ATXN1: variants seen among roughly 807,000 people sequenced by gnomAD.
ATXN1 encodes the protein ataxin 1.
In ATXN1, 8 loss-of-function variants were observed where a neutral mutation model predicts 56.4. The observed-to-expected ratio is 0.14, with a 90% CI of 0.08 to 0.26. The LOEUF (loss-of-function observed/expected upper bound fraction) is 0.26. ATXN1 is among the 10% of genes least tolerant of loss of function. ATXN1 has a pLI of 1.00. For synonymous variants in ATXN1, 514 were observed against 494.6 expected, an observed-to-expected ratio of 1.04 and a Z score of -0.52; for missense variants, 987 against 1,106.5, an observed-to-expected ratio of 0.89 and a Z score of 1.53.
intron 2 of ATXN1, among the ~76,000 whole-genome samples, chr6:16,659,527 G>C (rs866895993): frequency 2.0e-5 from 3 of 152,084 alleles, no homozygotes; most frequent in Non-Finnish European, 2.9e-5. Context: ...TCTATAATTG[G>C]AAGAGGTCCT....
chr6:16,447,291 C>G (rs1759655708), intron 6 of ATXN1, among the ~76,000 whole-genome samples: 1 of 152,166 alleles, frequency 6.6e-6, no homozygotes, highest in African/African-American at 2.4e-5. Flanking sequence ...GTGGCATGAT[C>G]TCAGCATACT....
At chr6:16,385,075 G>C (rs1052237460) in intron 6 of ATXN1, among the ~76,000 whole-genome samples, 1 of 152,212 alleles carries the variant, frequency 6.6e-6, no homozygotes, top group Non-Finnish European at 1.5e-5. Flanking sequence ...GAGTACACAG[G>C]AATGTGTGAC....
At chr6:16,741,436 T>A (rs930588192) in intron 2 of ATXN1, among the ~76,000 whole-genome samples, 1 of 152,212 alleles carries the variant, frequency 6.6e-6, no homozygotes. Context: ...AGTATACTCT[T>A]TGAAGACCCT....
rs760959130 is a variant in ATXN1 at position 16,303,628 on chromosome 6, G to GA, written c.*2700dup. 5.9e-5 allele frequency: 9 copies of GA among 152,608 alleles called. No individual in the cohort carries two copies. Among genetic ancestry groups the GA allele is most frequent in the Non-Finnish European group, 1.2e-4 (8 of 68,028 alleles). 9.5% of individuals were successfully genotyped at this position (152,608 alleles called of 1,614,324 possible). A position where few individuals can be genotyped will look rare whatever the true frequency, so the allele number is the denominator to read the frequency against. On this transcript the variant is annotated 3_prime_UTR_variant, in exon 8 of 8. Transcript: ENST00000436367. The surrounding 1 kb of genome is among the most constrained non-coding windows in gnomAD (Gnocchi z 4.3). ...CAATTATTTTATAATTCCTATACCT[G>GA]AAATAGAACCACAAAAATTATGATG...
chr6:16,577,008 C>G (rs1762434246), intron 4 of ATXN1, among the ~76,000 whole-genome samples: 1 of 152,112 alleles, frequency 6.6e-6, no homozygotes, highest in South Asian at 2.1e-4. Flanking sequence ...CTTCAGCACA[C>G]CAGCCCACAC....
intron 6 of ATXN1, among the ~76,000 whole-genome samples, chr6:16,346,434 G>A (rs570768449): frequency 2.2e-4 from 33 of 152,216 alleles, no homozygotes; most frequent in Non-Finnish European, 3.8e-4. Flanking sequence ...AGTAATCCTT[G>A]GACATGCAGT....
At chr6:16,714,569 C>T (rs1759600162) in intron 2 of ATXN1, among the ~76,000 whole-genome samples, 1 of 151,996 alleles carries the variant, frequency 6.6e-6, no homozygotes, top group Non-Finnish European at 1.5e-5. Flanking sequence ...AACATTTGTC[C>T]CATCTTTTTC....
At chr6:16,448,055 A>T (rs900345152) in intron 6 of ATXN1, among the ~76,000 whole-genome samples, 2 of 152,194 alleles carry the variant, frequency 1.3e-5, no homozygotes, top group African/African-American at 4.8e-5. Flanking sequence ...CAAACCTTTC[A>T]ATGCTTCCTA....
chr6:16,482,068 T>C (rs570174330), intron 6 of ATXN1, among the ~76,000 whole-genome samples: 1 of 152,118 alleles, frequency 6.6e-6, no homozygotes, highest in Non-Finnish European at 1.5e-5. Context: ...ACACATCAAG[T>C]ATCCACTTCT....
At chr6:16,646,238 C>T (rs79537203) in intron 3 of ATXN1, among the ~76,000 whole-genome samples, 177 of 152,104 alleles carry the variant, frequency 1.2e-3, no homozygotes, top group Non-Finnish European at 1.9e-3. Context: ...AAACAAAAGA[C>T]GTGTCTACCA....
chr6:16,613,271 CAAA>C (rs765813165), intron 3 of ATXN1, among the ~76,000 whole-genome samples: 1 of 52,520 alleles, frequency 1.9e-5, no homozygotes, highest in African/African-American at 6.5e-5. Flanking sequence ...GACTCCGTCT[CAAA>C]AAAAAAAAAA....
intron 6 of ATXN1, among the ~76,000 whole-genome samples, chr6:16,349,004 G>A (rs1761509189): frequency 1.3e-5 from 2 of 152,152 alleles, no homozygotes; most frequent in South Asian, 4.2e-4. Flanking sequence ...ATTTCTCTGT[G>A]CCTCAGTTTG....
intron 1 of ATXN1, among the ~76,000 whole-genome samples, chr6:16,755,293 G>C (rs891305731): frequency 1.3e-5 from 2 of 152,122 alleles, no homozygotes; most frequent in African/African-American, 4.8e-5. Flanking sequence ...TTCCATCAGA[G>C]GGAAGAAGGC....
intron 6 of ATXN1, among the ~76,000 whole-genome samples, chr6:16,384,925 T>C (rs1411811140): frequency 6.6e-6 from 1 of 152,224 alleles, no homozygotes; most frequent in Non-Finnish European, 1.5e-5. Context: ...GTATCCAGTG[T>C]GCAGAGATGG....
chr6:16,739,506 A>G (rs1174044283), intron 2 of ATXN1: 2 of 236,450 alleles, frequency 8.5e-6, no homozygotes, highest in Admixed American at 8.8e-5. Flanking sequence ...AAGATGGAAA[A>G]AAAATGGATG....
chr6:16,613,271 CAAAAAAAAA>C (rs765813165), intron 3 of ATXN1, among the ~76,000 whole-genome samples: 1 of 52,522 alleles, frequency 1.9e-5, no homozygotes, highest in Non-Finnish European at 4.0e-5. Context: ...GACTCCGTCT[CAAAAAAAAA>C]AAAAAAAAAA....
intron 3 of ATXN1, among the ~76,000 whole-genome samples, chr6:16,604,916 G>A (rs546836402): frequency 4.6e-5 from 7 of 152,198 alleles, no homozygotes; most frequent in African/African-American, 1.2e-4. Flanking sequence ...AGAGGAAAAC[G>A]GAAGTCTGAC....
intron 3 of ATXN1, among the ~76,000 whole-genome samples, chr6:16,598,331 T>G (rs537544467): frequency 6.6e-6 from 1 of 152,342 alleles, no homozygotes; most frequent in Non-Finnish European, 1.5e-5. Flanking sequence ...TATTTCCTTT[T>G]GTTTAAAGAT....
intron 4 of ATXN1, among the ~76,000 whole-genome samples, chr6:16,560,043 T>C (rs1050117438): frequency 2.6e-5 from 4 of 152,092 alleles, no homozygotes; most frequent in Non-Finnish European, 5.9e-5. Flanking sequence ...TCATAATCCA[T>C]TCAAATTTGC....
Sources: allele counts gnomAD v4.1 joint callset (sites outside exome capture counted in the v4.1 genomes callset), GRCh38; gene constraint gnomAD v4.1.1; non-coding constraint Gnocchi (gnomAD v3.1); transcripts MANE v1.5; gene names NCBI Gene and HGNC (gene_info 2026-07-23, HGNC 2026-07-21).